Variants in THSD7A observed in about 807,000 individuals in gnomAD.
THSD7A encodes the protein thrombospondin type-1 domain-containing protein 7A.
Under a neutral mutation model 231.3 loss-of-function variants are expected in THSD7A, and 96 were observed. The ratio of observed to expected loss-of-function variants is 0.41; its 90% CI spans 0.35 to 0.49. The LOEUF (loss-of-function observed/expected upper bound fraction) is 0.49, where lower values mean the gene tolerates loss of function less well. Among genes scored for constraint, THSD7A ranks in the 20% least tolerant of loss-of-function variants. The pLI is 0.05. For synonymous variants in THSD7A, 940 were observed against 743.3 expected (o/e 1.26, Z -4.30); for missense variants, 2,290 against 2,070.2 (o/e 1.11, Z -2.06).
intron 1 of THSD7A, among the ~76,000 whole-genome samples, chr7:11,694,329 G>C (rs924384485): frequency 6.6e-6 from 1 of 151,526 alleles, no homozygotes; most frequent in East Asian, 2.0e-4. Context: ...AGAAGCCACA[G>C]TTGGGCCTGC....
chr7:11,606,422 C>T (rs992134872), intron 2 of THSD7A, among the ~76,000 whole-genome samples: 4 of 152,080 alleles, frequency 2.6e-5, no homozygotes, highest in Non-Finnish European at 4.4e-5. Context: ...GAATGGGACC[C>T]TCCTAAACCC....
At chr7:11,749,970 G>A (rs1314926048) in intron 1 of THSD7A, among the ~76,000 whole-genome samples, 1 of 151,364 alleles carries the variant, frequency 6.6e-6, no homozygotes, top group African/African-American at 2.4e-5. Context: ...AGTGGCAGTT[G>A]TTAATATAAT....
intron 1 of THSD7A, among the ~76,000 whole-genome samples, chr7:11,661,427 G>GT (rs1326509689): frequency 9.3e-5 from 14 of 151,110 alleles, no homozygotes; most frequent in Admixed American, 6.0e-4. Context: ...TGTGACTATT[G>GT]TTTTCCAGAA....
In THSD7A at chr7:11,406,454, C is replaced by T. The variant is rs1349931583; in HGVS notation, c.4083G>A (p.Gly1361=). The change falls in exon 22 of 28, where the codon GGG becomes GGA. Residue 1361 remains glycine, a synonymous_variant. Transcript: ENST00000423059. The surrounding 1 kb of genome is among the most constrained non-coding windows in gnomAD (Gnocchi z 4.7). ...CACAAGAAATGTTCCTTGTTCTGGT[C>T]CCTTCTCCACACTGGGCCTCCTGGA... ...CQVQEAQCGE[G]TRTRNISCVV... is the part of the protein sequence containing the mutation. The T allele has an allele frequency of 2.5e-6, 4 of 1,611,742 alleles. No individual in the cohort carries two copies. In the South Asian group the frequency reaches 3.3e-5, roughly 13 times the overall value.
rs565825767 is a variant in THSD7A, at chr7:11,658,473, A to G, written c.191-21512T>C. Among the ~76,000 whole-genome samples the G allele has an allele frequency of 2.0e-5, 3 of 151,522 alleles. No homozygotes were observed. The South Asian group carries it at 6.3e-4, about 32-fold the overall frequency. On this transcript the variant is annotated intron_variant, in intron 1 of 27. Coordinates refer to ENST00000423059, the MANE Select transcript of THSD7A (RefSeq NM_015204.3). ...CTCAGATGGTGTTAATGGTTGACTT[A>G]TTATTTCAATGGCATTTTCTTCAGT... is the stretch of plus-strand genomic sequence containing the variant.
intron 6 of THSD7A, among the ~76,000 whole-genome samples, chr7:11,486,594 CG>C (rs1192071195): frequency 9.4e-6 from 1 of 106,538 alleles, no homozygotes; most frequent in Non-Finnish European, 1.9e-5. Context: ...TATGAACCAA[CG>C]CAACTTGTTT....
chr7:11,623,675 C>G (rs1261481418), intron 2 of THSD7A, among the ~76,000 whole-genome samples: 1 of 152,134 alleles, frequency 6.6e-6, no homozygotes, highest in Non-Finnish European at 1.5e-5. Flanking sequence ...TCATCTCTCC[C>G]TCTTCGGCAG....
intron 23 of THSD7A, among the ~76,000 whole-genome samples, chr7:11,398,274 A>G (rs947160784): frequency 6.6e-6 from 1 of 152,176 alleles, no homozygotes; most frequent in African/African-American, 2.4e-5. Flanking sequence ...TTCTCAGCAA[A>G]CTAACACAGA....
chr7:11,677,584 C>CAAAAAAAAAAAA lies in THSD7A; in HGVS notation c.191-40635_191-40624dup, dbSNP rs553030554. 4.0e-4 allele frequency among the ~76,000 whole-genome samples: 9 copies of CAAAAAAAAAAAA among 22,274 alleles called. 1 individual carries two copies. Among genetic ancestry groups the CAAAAAAAAAAAA allele is most frequent in the African/African-American group, 2.3e-3 (9 of 3,884 alleles). The allele number at this position is 22,274 out of a possible 152,430, so 14.6% of individuals were successfully genotyped here. A position where few individuals can be genotyped will look rare whatever the true frequency, so the allele number is the denominator to read the frequency against. The stretch of plus-strand genomic sequence containing the variant: ...GAAGATTGACCAAGCAAATGGAAAG[C>CAAAAAAAAAAAA]AAAAAAAAAAAAAAAAAAAAAAAAA... On this transcript the variant is annotated intron_variant, in intron 1 of 27. Transcript: ENST00000423059.
chr7:11,636,071 T>C lies in THSD7A; in HGVS notation c.1022+59A>G, dbSNP rs2128360068. Reference sequence around the variant, plus strand: ...AGTTATTAGATAGTACCGGATATCTTAGGTACTCATGATTCTTGACAGACA... The same window carrying C: ...AGTTATTAGATAGTACCGGATATCTCAGGTACTCATGATTCTTGACAGACA... On this transcript the variant is annotated intron_variant, in intron 2 of 27. Coordinates refer to ENST00000423059, the MANE Select transcript of THSD7A (RefSeq NM_015204.3). The surrounding 1 kb of genome is among the most constrained non-coding windows in gnomAD (Gnocchi z 10.0). The C allele has an allele frequency of 7.0e-7, 1 of 1,437,216 alleles. No individual in the cohort carries two copies. Among genetic ancestry groups the C allele is most frequent in the Admixed American group, 1.9e-5 (1 of 52,000 alleles). The allele number at this position is 1,437,216 out of a possible 1,614,324, so 89.0% of individuals were successfully genotyped here.
At chr7:11,690,080 TCTG>T (rs1780187282) in intron 1 of THSD7A, among the ~76,000 whole-genome samples, 1 of 151,790 alleles carries the variant, frequency 6.6e-6, no homozygotes, top group South Asian at 2.1e-4. Context: ...TTCAAATTCC[TCTG>T]CTAAGTATAT....
rs925387254 is a variant in THSD7A, at chr7:11,374,059, A to C, written c.*1735T>G. On this transcript the variant is annotated 3_prime_UTR_variant, in exon 28 of 28. Coordinates refer to ENST00000423059, the MANE Select transcript of THSD7A (RefSeq NM_015204.3). ...ACAGTGGGAAATGTAATGACTGTAAATTCTCACCTTTGAAAAATGAATGAA... is the reference window on the plus strand; with the variant it reads ...ACAGTGGGAAATGTAATGACTGTAACTTCTCACCTTTGAAAAATGAATGAA... 3.9e-5 allele frequency: 6 copies of C among 152,210 alleles called. No homozygotes were observed. The highest frequency in any genetic ancestry group is 8.8e-5 in the Non-Finnish European group (6 of 67,978). 9.4% of individuals were successfully genotyped at this position (152,210 alleles called of 1,614,324 possible). A position where few individuals can be genotyped will look rare whatever the true frequency, so the allele number is the denominator to read the frequency against.
At chr7:11,574,089 T>C (rs1313856997) in intron 4 of THSD7A, among the ~76,000 whole-genome samples, 2 of 152,190 alleles carry the variant, frequency 1.3e-5, no homozygotes, top group African/African-American at 2.4e-5. Context: ...TGCAAATTTG[T>C]TTCTCAGGGG....
intron 11 of THSD7A, among the ~76,000 whole-genome samples, chr7:11,457,120 G>C (rs1332155350): frequency 6.6e-6 from 1 of 151,940 alleles, no homozygotes; most frequent in Non-Finnish European, 1.5e-5. Flanking sequence ...GCATTTTAGA[G>C]TTCTTAGCTT....
At chr7:11,769,136 TATATATATATA>T (rs1783131254) in intron 1 of THSD7A, among the ~76,000 whole-genome samples, 5 of 52,350 alleles carry the variant, frequency 9.6e-5, no homozygotes, top group African/African-American at 3.1e-4. Context: ...TATATATATA[TATATATATATA>T]TATATATTTT....
In THSD7A at chr7:11,814,449, A is replaced by G. The variant is rs188398709; in HGVS notation, c.190+17308T>C. 2.1e-3 allele frequency among the ~76,000 whole-genome samples: 318 copies of G among 152,292 alleles called. 2 individuals carry two copies. The highest frequency in any genetic ancestry group is 6.8e-3 in the Middle Eastern group (2 of 294). On this transcript the variant is annotated intron_variant, in intron 1 of 27. Transcript: ENST00000423059. The surrounding 1 kb of genome is among the most constrained non-coding windows in gnomAD (Gnocchi z 5.1). ...ATACTCAAAATAATTTAGCTTTTAGACGATGCTATCAGGGTAGAAAATTAC... is the reference window on the plus strand; with the variant it reads ...ATACTCAAAATAATTTAGCTTTTAGGCGATGCTATCAGGGTAGAAAATTAC...
chr7:11,636,458 A>G lies in THSD7A; in HGVS notation c.694T>C (p.Cys232Arg). Reference sequence around the variant, plus strand: ...ACCTGGAACTCCGTCAGGTTTGGACAGCCAGAGCCTCCGAACTGCGGGGGC... The same window carrying G: ...ACCTGGAACTCCGTCAGGTTTGGACGGCCAGAGCCTCCGAACTGCGGGGGC... ...VAPPQFGGSG[C>R]PNLTEFQVCQ... Residue 232 changes from cysteine (C) to arginine (R), a missense_variant, in exon 2 of 28, where the codon TGT becomes CGT. Coordinates refer to ENST00000423059, the MANE Select transcript of THSD7A (RefSeq NM_015204.3). This position sits in a 1 kb window ranked among gnomAD's most constrained non-coding sequence, Gnocchi z 10.0. The G allele has an allele frequency of 6.2e-7, 1 of 1,613,690 alleles. No homozygotes were observed. Among genetic ancestry groups the G allele is most frequent in the Non-Finnish European group, 8.5e-7 (1 of 1,179,796 alleles).
At chr7:11,381,953 CT>C in intron 24 of THSD7A, among the ~76,000 whole-genome samples, 1 of 152,198 alleles carries the variant, frequency 6.6e-6, no homozygotes, top group South Asian at 2.1e-4. Context: ...TGGATTTCTT[CT>C]TTGGATATAT....
chr7:11,688,100 C>G (rs1173797128), intron 1 of THSD7A, among the ~76,000 whole-genome samples: 1 of 147,100 alleles, frequency 6.8e-6, no homozygotes, highest in Non-Finnish European at 1.5e-5. Context: ...GTGATGTTCC[C>G]CTTCCTGTGT....
Sources: allele counts gnomAD v4.1 joint callset (sites outside exome capture counted in the v4.1 genomes callset), GRCh38; gene constraint gnomAD v4.1.1; non-coding constraint Gnocchi (gnomAD v3.1); transcripts MANE v1.5; gene names NCBI Gene and HGNC (gene_info 2026-07-23, HGNC 2026-07-21).